EPB41L1: variants seen among roughly 807,000 people sequenced by gnomAD.
The protein encoded by EPB41L1 is band 4.1-like protein 1.
Under a neutral mutation model 97.8 loss-of-function variants are expected in EPB41L1, and 29 were observed. The observed-to-expected ratio is 0.30, with a 90% CI of 0.22 to 0.40. The LOEUF is 0.40. Ranked by LOEUF, EPB41L1 falls within the 10% of genes least tolerant of loss-of-function variation. The pLI is 1.00. For synonymous variants in EPB41L1, 383 were observed against 459.2 expected (o/e 0.83, Z 2.12); for missense variants, 812 against 1,162.3 (o/e 0.70, Z 4.38).
chr20:36,195,330 C>A lies in EPB41L1; in HGVS notation c.1451C>A (p.Pro484Gln). The change falls in exon 13 of 22, where the codon CCG becomes CAG. Residue 484 changes from proline to glutamine, a missense_variant and splice_region_variant. By Grantham distance (76) the Pro-to-Gln change is moderately conservative. Coordinates refer to ENST00000338074, the MANE Select transcript of EPB41L1 (RefSeq NM_012156.2). This position sits in a 1 kb window ranked among gnomAD's most constrained non-coding sequence, Gnocchi z 4.6. ...TTCCCTCCTACCACATCCCACTAGCCGGAGCAGGAAACCACGCCGAGACAC... is the reference window on the plus strand; with the variant it reads ...TTCCCTCCTACCACATCCCACTAGCAGGAGCAGGAAACCACGCCGAGACAC... ...RTPTKIKELK[P>Q]EQETTPRHKQ... 1 of 1,614,008 alleles carries A rather than the reference C, an allele frequency of 6.2e-7. No individual in the cohort carries two copies. Among genetic ancestry groups the A allele is most frequent in the Non-Finnish European group, 8.5e-7 (1 of 1,180,004 alleles).
Position 36,195,029 on chromosome 20 carries a change from G to C in EPB41L1, c.1450-300G>C, listed in dbSNP as rs542556915. Among the ~76,000 whole-genome samples the C allele has an allele frequency of 6.6e-6, 1 of 152,274 alleles. No homozygotes were observed. The highest frequency in any genetic ancestry group is 6.5e-5 in the Admixed American group (1 of 15,312). ...CTTGTGAGCACAGGGCCTTGAACAT[G>C]CTCCCACTGACAGCGAGAGCAGGGA... On this transcript the variant is annotated intron_variant, in intron 12 of 21. Transcript: ENST00000338074. This position sits in a 1 kb window ranked among gnomAD's most constrained non-coding sequence, Gnocchi z 4.6.
At chr20:36,210,135 G>A (rs1033846189) in intron 15 of EPB41L1, among the ~76,000 whole-genome samples, 2 of 152,144 alleles carry the variant, frequency 1.3e-5, no homozygotes, top group Non-Finnish European at 2.9e-5. Flanking sequence ...TGCTGAAGTC[G>A]AGCGATGACA....
rs77079940 is a variant in EPB41L1, at chr20:36,129,330, C to T, written c.-10+16850C>T. On this transcript the variant is annotated intron_variant, in intron 2 of 19. Transcript: ENST00000202028. ...GGCTGGACTGCGGGGTGAATGGCCACGGGTGTGGTAAGTTACCGCTTCTCC... is the reference window on the plus strand; with the variant it reads ...GGCTGGACTGCGGGGTGAATGGCCATGGGTGTGGTAAGTTACCGCTTCTCC... Among the ~76,000 whole-genome samples, 62 of 152,148 alleles carry T rather than the reference C, an allele frequency of 4.1e-4. 1 individual carries two copies. In the East Asian group the frequency reaches 4.6e-3, roughly 11 times the overall value.
intron 2 of EPB41L1, among the ~76,000 whole-genome samples, chr20:36,147,037 C>T (rs1351203783): frequency 6.6e-6 from 1 of 151,992 alleles, no homozygotes; most frequent in Non-Finnish European, 1.5e-5. Context: ...GTCCCAGCTA[C>T]TTAGGGGGCT....
At position 36,190,216 on chromosome 20, in the gene EPB41L1, A is replaced by G; in HGVS notation, c.1027-61A>G. On this transcript the variant is annotated intron_variant, in intron 9 of 21. Transcript: ENST00000338074. This position sits in a 1 kb window ranked among gnomAD's most constrained non-coding sequence, Gnocchi z 5.8. ...ACAAATAAAATAAAAAACACAAAGA[A>G]TGGGCTAGTGGCGAGAGTGAGCTCA... 1.5e-6 allele frequency: 2 copies of G among 1,299,682 alleles called. No homozygotes were observed. The highest frequency in any genetic ancestry group is 2.3e-5 in the East Asian group (1 of 43,110). The allele number at this position is 1,299,682 out of a possible 1,614,324, so 80.5% of individuals were successfully genotyped here.
At chr20:36,222,200 A>T in intron 20 of EPB41L1, 78 bp from the exon 21 acceptor site, 2 of 1,314,246 alleles carry the variant, frequency 1.5e-6, no homozygotes, top group Non-Finnish European at 2.2e-6. Flanking sequence ...GCTGTGCACT[A>T]GAGGGCTTGC....
chr20:36,121,029 A>G (rs964057871), intron 2 of EPB41L1, among the ~76,000 whole-genome samples: 1 of 151,864 alleles, frequency 6.6e-6, no homozygotes. Flanking sequence ...GCCGCCTTCA[A>G]ACCTTGTTAC....
intron 17 of EPB41L1, among the ~76,000 whole-genome samples, chr20:36,218,250 T>C (rs970289669): frequency 6.6e-6 from 1 of 152,164 alleles, no homozygotes; most frequent in African/African-American, 2.4e-5. Context: ...AAATCAGGAA[T>C]ATTAAAAATA....
intron 2 of EPB41L1, among the ~76,000 whole-genome samples, chr20:36,116,174 G>A (rs2058578190): frequency 6.6e-6 from 1 of 152,198 alleles, no homozygotes; most frequent in African/African-American, 2.4e-5. Flanking sequence ...GGAGTTTAGA[G>A]GAGAGAGGTC....
In EPB41L1 at chr20:36,175,751, G is replaced by A. The variant is rs547950907; in HGVS notation, c.342+36G>A. 6.1e-5 allele frequency: 98 copies of A among 1,612,168 alleles called. No homozygotes were observed. The South Asian group carries it at 8.6e-4, about 14-fold the overall frequency. On this transcript the variant is annotated intron_variant, in intron 3 of 21. Coordinates refer to ENST00000338074, the MANE Select transcript of EPB41L1 (RefSeq NM_012156.2). ...ACTGAGTGCCATATGTCCCGTCCCC[G>A]GTCAGCCAGCCTCAGGTCCAGGGCA...
chr20:36,136,338 G>GTTTTTTTTTTT (rs60257818), intron 2 of EPB41L1, among the ~76,000 whole-genome samples: 1 of 113,978 alleles, frequency 8.8e-6, no homozygotes. Flanking sequence ...GCCCGGCTAA[G>GTTTTTTTTTTT]TTTTTTTTTT....
In EPB41L1 at chr20:36,115,682, G is replaced by A. The variant is rs541342021; in HGVS notation, c.-10+3202G>A. Among the ~76,000 whole-genome samples the A allele has an allele frequency of 2.0e-5, 3 of 152,116 alleles. No individual in the cohort carries two copies. In the East Asian group the frequency reaches 5.8e-4, roughly 29 times the overall value. On this transcript the variant is annotated intron_variant, in intron 2 of 19. Coordinates refer to the EPB41L1 transcript ENST00000202028. ...CGAGGCAGGTGGATCAATTGAGGTC[G>A]GGAGTTTGAGACTAGTCTGACCAAC...
At chr20:36,129,655 T>A (rs1432897476) in intron 2 of EPB41L1, among the ~76,000 whole-genome samples, 1 of 152,188 alleles carries the variant, frequency 6.6e-6, no homozygotes, top group Non-Finnish European at 1.5e-5. Flanking sequence ...ATTTGCCTGT[T>A]GCTGCTCCTC....
intron 6 of EPB41L1, among the ~76,000 whole-genome samples, chr20:36,184,299 G>GTGAAAAAAA (rs1188150258): frequency 1.3e-5 from 2 of 151,936 alleles, no homozygotes; most frequent in Non-Finnish European, 2.9e-5. Flanking sequence ...AACAAAAATG[G>GTGAAAAAAA]ACAGGGAGGC....
rs74603502 is a variant in EPB41L1, at chr20:36,094,396, T to A, written c.-65+2784T>A. On this transcript the variant is annotated intron_variant, in intron 1 of 19. Transcript: ENST00000202028. ...AGTCTGTGGCTTTGTGGGTTTCAGA[T>A]ACCGGTACTGAAATGTAGGTAGGTT... 3.5e-3 allele frequency among the ~76,000 whole-genome samples: 538 copies of A among 152,322 alleles called. 1 individual carries two copies. Among genetic ancestry groups the A allele is most frequent in the African/African-American group, 9.7e-3 (403 of 41,566 alleles).
In EPB41L1 at chr20:36,206,310, T is replaced by G. The variant is rs201674241; in HGVS notation, c.1669-3178T>G. On this transcript the variant is annotated intron_variant, in intron 14 of 21. Transcript: ENST00000338074. The surrounding 1 kb of genome is among the most constrained non-coding windows in gnomAD (Gnocchi z 5.5). ...AGGGGCTGGAGGAGCCTCACACTTG[T>G]GGGAGACCCACTGCTCCAGGGACCA... The G allele has an allele frequency of 1.9e-5, 25 of 1,289,876 alleles. No individual in the cohort carries two copies. The highest frequency in any genetic ancestry group is 2.4e-5 in the Non-Finnish European group (24 of 988,888). The allele number at this position is 1,289,876 out of a possible 1,614,324, so 79.9% of individuals were successfully genotyped here. A position where few individuals can be genotyped will look rare whatever the true frequency, so the allele number is the denominator to read the frequency against.
chr20:36,179,445 C>G (rs2061384859), intron 5 of EPB41L1, among the ~76,000 whole-genome samples: 1 of 152,232 alleles, frequency 6.6e-6, no homozygotes, highest in Admixed American at 6.5e-5. Context: ...GGTCTTGAGG[C>G]CTGGTCTTCC....
In EPB41L1 at chr20:36,219,775, T is replaced by C; in HGVS notation, c.2370T>C (p.Asp790=). ...ATATTCTGCAGATCATCGGGAAAGA[T>C]GTCCTCACCAGCACCTACGGCGCCA... The part of the protein sequence containing the change: ...IRSLSPIIGK[D]VLTSTYGATA... Residue 790 remains aspartate, a synonymous_variant, in exon 19 of 22, where the codon GAT becomes GAC. Transcript: ENST00000338074. 6.2e-7 allele frequency: 1 copy of C among 1,614,166 alleles called. No individual in the cohort carries two copies. Among genetic ancestry groups the C allele is most frequent in the Non-Finnish European group, 8.5e-7 (1 of 1,180,024 alleles).
chr20:36,103,734 C>T (rs1336574434), intron 1 of EPB41L1, among the ~76,000 whole-genome samples: 1 of 141,514 alleles, frequency 7.1e-6, no homozygotes, highest in African/African-American at 2.7e-5. Flanking sequence ...GACAGAGTCT[C>T]ACTCTGTCGC....
Sources: allele counts gnomAD v4.1 joint callset (sites outside exome capture counted in the v4.1 genomes callset), GRCh38; gene constraint gnomAD v4.1.1; non-coding constraint Gnocchi (gnomAD v3.1); transcripts MANE v1.5; gene names NCBI Gene and HGNC (gene_info 2026-07-23, HGNC 2026-07-21).